Variants in SVBP observed in about 807,000 individuals in gnomAD.
SVBP encodes small vasohibin-binding protein.
In SVBP, 9 loss-of-function variants were observed where a neutral mutation model predicts 9.2. The observed-to-expected ratio is 0.98, with a 90% CI of 0.59 to 1.71. SVBP has a LOEUF of 1.71. SVBP is among the 40% of genes most tolerant of loss of function. SVBP has a pLI of 0.00. For synonymous variants in SVBP, 27 were observed against 23.9 expected (o/e 1.13, Z -0.37); for missense variants, 63 against 73.2 (o/e 0.86, Z 0.51).
rs372745150 is a variant in SVBP, at chr1:42,813,479, T to C, written c.114+2952A>G. 472 of 555,742 alleles carry C rather than the reference T, an allele frequency of 8.5e-4. 12 individuals carry two copies. Among genetic ancestry groups the C allele is most frequent in the Middle Eastern group, 2.8e-3 (8 of 2,888 alleles). The allele number at this position is 555,742 out of a possible 1,614,324, so 34.4% of individuals were successfully genotyped here. On this transcript the variant is annotated intron_variant, in intron 2 of 2. Coordinates refer to ENST00000372521, the MANE Select transcript of SVBP (RefSeq NM_199342.4). Reference sequence around the variant, plus strand: ...AAAGGAACTTCTGGGCTCTTACTGTTAGTGACATCTAATCTGGATGGTTTC... The same window carrying C: ...AAAGGAACTTCTGGGCTCTTACTGTCAGTGACATCTAATCTGGATGGTTTC...
rs1654247455 is a variant in SVBP at position 42,817,228 on chromosome 1, G to A, written c.-75C>T. On this transcript the variant is annotated 5_prime_UTR_variant, in exon 1 of 3. Coordinates refer to ENST00000372521, the MANE Select transcript of SVBP (RefSeq NM_199342.4). ...GCCACTGGAAGTTGGAGCCTCCGCC[G>A]AGTCGCAGACAACGCCTCCGGGAGG... 8.0e-7 allele frequency: 1 copy of A among 1,255,888 alleles called. No individual in the cohort carries two copies. The highest frequency in any genetic ancestry group is 1.6e-5 in the African/African-American group (1 of 62,538). The allele number at this position is 1,255,888 out of a possible 1,614,324, so 77.8% of individuals were successfully genotyped here. A position where few individuals can be genotyped will look rare whatever the true frequency, so the allele number is the denominator to read the frequency against.
intron 2 of SVBP, among the ~76,000 whole-genome samples, chr1:42,815,266 T>TG (rs1364045957): frequency 1.3e-5 from 2 of 150,248 alleles, no homozygotes; most frequent in African/African-American, 4.9e-5. Flanking sequence ...ATACCTAATG[T>TG]AAATGACGAG....
At position 42,807,169 on chromosome 1, in the gene SVBP, T is replaced by TAA. The variant is rs199697064; in HGVS notation, c.*243_*244dup. The TAA allele has an allele frequency of 7.3e-4, 195 of 268,728 alleles. No individual in the cohort carries two copies. In the East Asian group the frequency reaches 8.7e-3, roughly 12 times the overall value. The allele number at this position is 268,728 out of a possible 1,614,324, so 16.6% of individuals were successfully genotyped here. A position where few individuals can be genotyped will look rare whatever the true frequency, so the allele number is the denominator to read the frequency against. On this transcript the variant is annotated 3_prime_UTR_variant, in exon 3 of 3. Transcript: ENST00000372521. The stretch of plus-strand genomic sequence containing the variant: ...TTTGTGTGTGTTTTTTTTTTTTTTT[T>TAA]AAAAAAACCCAAAAAACAAAACCAC...
At chr1:42,810,119 C>CAT (rs1197578623) in intron 2 of SVBP, among the ~76,000 whole-genome samples, 1 of 130,320 alleles carries the variant, frequency 7.7e-6, no homozygotes, top group African/African-American at 3.1e-5. Context: ...CACACACATA[C>CAT]ATACATACAC....
At chr1:42,808,180 C>T (rs655290) in intron 2 of SVBP, among the ~76,000 whole-genome samples, 31,487 of 67,748 alleles carry the variant, frequency 0.46, 5,718 homozygotes, top group South Asian at 0.65. Flanking sequence ...TATATATATA[C>T]ATACTATGTA....
At chr1:42,808,149 G>A (rs375881021) in intron 2 of SVBP, among the ~76,000 whole-genome samples, 16,611 of 51,658 alleles carry the variant, frequency 0.32, 1,933 homozygotes, top group South Asian at 0.45. Context: ...GTGTGTGTGT[G>A]TATATATATA....
chr1:42,817,272 C>T lies in SVBP; in HGVS notation c.-119G>A. The T allele has an allele frequency of 8.1e-7, 1 of 1,237,840 alleles. No individual in the cohort carries two copies. Among genetic ancestry groups the T allele is most frequent in the Non-Finnish European group, 1.0e-6 (1 of 961,610 alleles). 76.7% of individuals were successfully genotyped at this position (1,237,840 alleles called of 1,614,324 possible). On this transcript the variant is annotated 5_prime_UTR_variant, in exon 1 of 3. Transcript: ENST00000372521. ...CGGGAGGGTAATCCTCGCCTTCCCC[C>T]GACCACTGGACCCAGCGCTGCCTGC... is the stretch of plus-strand genomic sequence containing the variant.
intron 2 of SVBP, among the ~76,000 whole-genome samples, chr1:42,810,593 T>A (rs921254052): frequency 7.2e-5 from 11 of 152,066 alleles, no homozygotes; most frequent in African/African-American, 2.4e-4. Context: ...GGAGGCAAGA[T>A]GGTAGGAGAA....
At chr1:42,814,089 T>C (rs72958981) in intron 2 of SVBP, among the ~76,000 whole-genome samples, 2,628 of 147,560 alleles carry the variant, frequency 0.018, 67 homozygotes, top group South Asian at 0.11. Flanking sequence ...CAGTTCTTTT[T>C]CTTTTTTTTT....
intron 1 of SVBP, 144 bp from the exon 2 acceptor site, chr1:42,816,724 G>C: frequency 1.8e-6 from 1 of 553,774 alleles, no homozygotes; most frequent in Non-Finnish European, 3.2e-6. Context: ...TGGATGTGGG[G>C]GAGTAGGAAC....
intron 2 of SVBP, among the ~76,000 whole-genome samples, chr1:42,810,095 A>AACACAC (rs35552772): frequency 4.2e-5 from 6 of 143,812 alleles, no homozygotes; most frequent in Non-Finnish European, 9.1e-5. Context: ...ATATACTTTT[A>AACACAC]ACACACACAC....
chr1:42,810,155 T>G (rs147016352), intron 2 of SVBP, among the ~76,000 whole-genome samples: 1 of 139,558 alleles, frequency 7.2e-6, no homozygotes, highest in African/African-American at 3.1e-5. Context: ...CACACACACA[T>G]ATATTTTTTT....
intron 2 of SVBP, chr1:42,813,852 C>A: frequency 3.1e-6 from 1 of 323,218 alleles, no homozygotes; most frequent in East Asian, 7.7e-5. Flanking sequence ...TCTGAGGACC[C>A]GGATCCAGGT....
At chr1:42,814,748 G>T (rs928195847) in intron 2 of SVBP, among the ~76,000 whole-genome samples, 114 of 152,306 alleles carry the variant, frequency 7.5e-4, no homozygotes, top group African/African-American at 2.7e-3. Flanking sequence ...GGAGAAATAG[G>T]AACACTTTTA....
intron 2 of SVBP, among the ~76,000 whole-genome samples, chr1:42,808,172 TATATATAC>T (rs1457996947): frequency 0.2 from 24,345 of 118,890 alleles, 3,606 homozygotes; most frequent in Non-Finnish European, 0.26. Context: ...TATATATATA[TATATATAC>T]ATACTATGTA....
chr1:42,812,134 G>C (rs970044457), intron 2 of SVBP, among the ~76,000 whole-genome samples: 2 of 151,456 alleles, frequency 1.3e-5, no homozygotes, highest in African/African-American at 2.4e-5. Context: ...GCACATTACA[G>C]TGGTATAAAT....
At chr1:42,808,179 A>ATAAGTTATAAGTAGAGTG (rs1654006221) in intron 2 of SVBP, among the ~76,000 whole-genome samples, 2 of 69,558 alleles carry the variant, frequency 2.9e-5, no homozygotes, top group Non-Finnish European at 6.2e-5. Flanking sequence ...ATATATATAT[A>ATAAGTTATAAGTAGAGTG]CATACTATGT....
chr1:42,809,762 T>A (rs1405056751), intron 2 of SVBP, among the ~76,000 whole-genome samples: 1 of 152,190 alleles, frequency 6.6e-6, no homozygotes. Context: ...GTAAATTTTA[T>A]GTATATTTTA....
intron 2 of SVBP, among the ~76,000 whole-genome samples, chr1:42,814,719 C>A (rs1020895151): frequency 2.2e-4 from 33 of 152,292 alleles, no homozygotes; most frequent in African/African-American, 7.9e-4. Flanking sequence ...CAGGAAACAA[C>A]AGGTGCTGGA....
Sources: allele counts gnomAD v4.1 joint callset (sites outside exome capture counted in the v4.1 genomes callset), GRCh38; gene constraint gnomAD v4.1.1; transcripts MANE v1.5; gene names NCBI Gene and HGNC (gene_info 2026-07-23, HGNC 2026-07-21).